Variants in PTPRG observed in about 807,000 individuals in gnomAD.
PTPRG encodes the protein receptor-type tyrosine-protein phosphatase gamma.
Under a neutral mutation model 165.3 loss-of-function variants are expected in PTPRG, and 102 were observed. That is an observed-to-expected ratio of 0.62 (90% confidence interval 0.53 to 0.73). PTPRG has a LOEUF of 0.73. Among genes scored for constraint, PTPRG ranks in the 30% least tolerant of loss-of-function variants. The probability of loss-of-function intolerance (pLI) is 0.00; values close to 1 mark genes in which losing one functional copy is unlikely to be tolerated. For synonymous variants in PTPRG, 675 were observed against 669.5 expected (o/e 1.01, Z -0.13); for missense variants, 1,866 against 1,861.4 (o/e 1.00, Z -0.05).
chr3:61,942,851 T>A lies in PTPRG; in HGVS notation c.191-46774T>A, dbSNP rs192967671. Among the ~76,000 whole-genome samples, 82 of 152,364 alleles carry A rather than the reference T, an allele frequency of 5.4e-4. No homozygotes were observed. The East Asian group carries it at 0.014, about 27-fold the overall frequency. On this transcript the variant is annotated intron_variant, in intron 2 of 29. Transcript: ENST00000474889. ...TTTTATATGACTTAGCAAACTTCCT[T>A]CCCAAACATGATATGAAGAAATGAG...
chr3:62,227,089 C>G (rs570016750), intron 13 of PTPRG, among the ~76,000 whole-genome samples: 52 of 152,164 alleles, frequency 3.4e-4, no homozygotes, highest in Non-Finnish European at 6.3e-4. Context: ...CAGATGCATG[C>G]GAGAGTCGAG....
chr3:61,625,709 G>T (rs907641591), intron 1 of PTPRG, among the ~76,000 whole-genome samples: 5 of 152,162 alleles, frequency 3.3e-5, no homozygotes, highest in Non-Finnish European at 5.9e-5. Context: ...ACTACAGAGT[G>T]CCCAAGACAG....
In PTPRG at chr3:62,228,709, G is replaced by A. The variant is rs139931940; in HGVS notation, c.2289-2516G>A. Among the ~76,000 whole-genome samples, 42 of 152,216 alleles carry A rather than the reference G, an allele frequency of 2.8e-4. No homozygotes were observed. Among genetic ancestry groups the A allele is most frequent in the African/African-American group, 9.9e-4 (41 of 41,540 alleles). ...AACGGGTAGAATCAGATTCTTTTCT[G>A]GAAGATTCTACATGTACAAAGTACA... is the stretch of plus-strand genomic sequence containing the variant. On this transcript the variant is annotated intron_variant, in intron 13 of 29. Transcript: ENST00000474889. This position sits in a 1 kb window ranked among gnomAD's most constrained non-coding sequence, Gnocchi z 4.1.
chr3:62,030,424 T>A (rs1699730819), intron 4 of PTPRG, among the ~76,000 whole-genome samples: 1 of 148,510 alleles, frequency 6.7e-6, no homozygotes, highest in South Asian at 2.1e-4. Flanking sequence ...ATAAGACTAA[T>A]TAGTATTTTT....
chr3:62,091,710 C>T (rs1176323798), intron 5 of PTPRG, among the ~76,000 whole-genome samples: 1 of 152,068 alleles, frequency 6.6e-6, no homozygotes, highest in African/African-American at 2.4e-5. Flanking sequence ...GGGATGTGAT[C>T]GTTGGAGATT....
intron 1 of PTPRG, among the ~76,000 whole-genome samples, chr3:61,604,571 C>T (rs774128518): frequency 6.6e-6 from 1 of 152,146 alleles, no homozygotes; most frequent in Non-Finnish European, 1.5e-5. Context: ...CCCTCTCAAC[C>T]AGCCTGTAAT....
At chr3:61,701,626 A>G (rs555834080) in intron 1 of PTPRG, among the ~76,000 whole-genome samples, 1 of 152,338 alleles carries the variant, frequency 6.6e-6, no homozygotes, top group African/African-American at 2.4e-5. Flanking sequence ...GGCTGGGCAC[A>G]GTGGCTCACA....
chr3:61,854,755 A>G (rs2037054419), intron 2 of PTPRG, among the ~76,000 whole-genome samples: 1 of 152,186 alleles, frequency 6.6e-6, no homozygotes, highest in Non-Finnish European at 1.5e-5. Flanking sequence ...ATCAGGTAAG[A>G]TTATAGCTAT....
chr3:62,053,969 A>G (rs916597806), intron 4 of PTPRG, among the ~76,000 whole-genome samples: 3 of 152,200 alleles, frequency 2.0e-5, no homozygotes, highest in African/African-American at 7.2e-5. Flanking sequence ...GAGGGACTAT[A>G]CATGTGTATA....
rs1425185435 is a variant in PTPRG, at chr3:62,190,695, T to A, written c.1034-774T>A. On this transcript the variant is annotated intron_variant, in intron 8 of 29. Transcript: ENST00000474889. This position sits in a 1 kb window ranked among gnomAD's most constrained non-coding sequence, Gnocchi z 5.2. ...ATTTAAAGTCTCATCTTAAATTTAT[T>A]TATTTACACTCGGACCTGTTTACAA... Among the ~76,000 whole-genome samples the A allele has an allele frequency of 6.6e-6, 1 of 152,176 alleles. No homozygotes were observed. The highest frequency in any genetic ancestry group is 1.9e-4 in the East Asian group (1 of 5,196).
rs1701262842 is a variant in PTPRG at position 62,245,193 on chromosome 3, C to T, written c.2467+1295C>T. 6.6e-6 allele frequency among the ~76,000 whole-genome samples: 1 copy of T among 152,162 alleles called. No individual in the cohort carries two copies. The highest frequency in any genetic ancestry group is 2.4e-5 in the African/African-American group (1 of 41,442). On this transcript the variant is annotated intron_variant, in intron 15 of 29. Transcript: ENST00000474889. This position sits in a 1 kb window ranked among gnomAD's most constrained non-coding sequence, Gnocchi z 4.2. ...TAAAGATAGGATAAGTTTTGTGTTA[C>T]TGTGTGTTCTCCACTAACCCTGCCC...
At chr3:62,136,738 G>A (rs1457930890) in intron 6 of PTPRG, among the ~76,000 whole-genome samples, 1 of 152,192 alleles carries the variant, frequency 6.6e-6, no homozygotes, top group South Asian at 2.1e-4. Flanking sequence ...CCCTGCACAA[G>A]CTGTCTTCTC....
chr3:62,039,758 A>G (rs2107799696), intron 4 of PTPRG, among the ~76,000 whole-genome samples: 1 of 152,360 alleles, frequency 6.6e-6, no homozygotes, highest in East Asian at 1.9e-4. Flanking sequence ...AATACGCTTT[A>G]TAAAGATTCC....
chr3:62,288,048 G>T (rs1702736649), intron 28 of PTPRG, among the ~76,000 whole-genome samples: 1 of 150,890 alleles, frequency 6.6e-6, no homozygotes, highest in South Asian at 2.1e-4. Context: ...CATCAAAGAT[G>T]TAACCAAAAT....
chr3:62,056,409 C>A (rs1268681913), intron 4 of PTPRG, among the ~76,000 whole-genome samples: 7 of 152,064 alleles, frequency 4.6e-5, no homozygotes, highest in Admixed American at 1.3e-4. Flanking sequence ...TTTCTTAATA[C>A]CTTATAAGAT....
intron 2 of PTPRG, among the ~76,000 whole-genome samples, chr3:61,892,579 G>A: frequency 6.6e-6 from 1 of 152,140 alleles, no homozygotes; most frequent in East Asian, 1.9e-4. Context: ...CACTTTGGGA[G>A]GGAGAGGCGG....
rs1702058373 is a variant in PTPRG, at chr3:62,271,425, G to T, written c.3052G>T (p.Val1018Leu). ...NPKGRQNERV[V>L]IQYHYTQWPD... is the part of the protein sequence containing the mutation. ...CAAGGGTCGTCAGAATGAAAGGGTA[G>T]TGATCCAGTATCACTATACACAGTG... Residue 1018 changes from valine (V) to leucine (L), a missense_variant, in exon 21 of 30, where the codon GTG becomes TTG. Transcript: ENST00000474889. This position sits in a 1 kb window ranked among gnomAD's most constrained non-coding sequence, Gnocchi z 4.1. 6.2e-7 allele frequency: 1 copy of T among 1,612,790 alleles called. No homozygotes were observed. The highest frequency in any genetic ancestry group is 8.5e-7 in the Non-Finnish European group (1 of 1,179,306).
intron 8 of PTPRG, among the ~76,000 whole-genome samples, chr3:62,174,428 T>G (rs1705337404): frequency 6.6e-6 from 1 of 152,232 alleles, no homozygotes; most frequent in Non-Finnish European, 1.5e-5. Flanking sequence ...CGTGTTTTTT[T>G]GGTGAGTGTT....
At chr3:62,122,786 C>A (rs4398425) in intron 5 of PTPRG, among the ~76,000 whole-genome samples, 1 of 151,952 alleles carries the variant, frequency 6.6e-6, no homozygotes, top group African/African-American at 2.4e-5. Flanking sequence ...ACTCTAGAAA[C>A]GGTGACATAG....
Sources: allele counts gnomAD v4.1 joint callset (sites outside exome capture counted in the v4.1 genomes callset), GRCh38; gene constraint gnomAD v4.1.1; non-coding constraint Gnocchi (gnomAD v3.1); transcripts MANE v1.5; gene names NCBI Gene and HGNC (gene_info 2026-07-23, HGNC 2026-07-21).